BAIAP2: variants seen among roughly 807,000 people sequenced by gnomAD.
BAIAP2 encodes the protein BAR/IMD domain-containing adapter protein 2.
Under a neutral mutation model 63.0 loss-of-function variants are expected in BAIAP2, and 18 were observed. The observed-to-expected ratio is 0.29, with a 90% CI of 0.20 to 0.42. BAIAP2 has a LOEUF of 0.42. Among genes scored for constraint, BAIAP2 ranks in the 10% least tolerant of loss-of-function variants. The pLI, the probability that BAIAP2 is intolerant of heterozygous loss-of-function variation, is 1.00. For missense variants in BAIAP2, 610 were observed against 734.3 expected, an observed-to-expected ratio of 0.83 and a Z score of 1.96; for synonymous variants, 386 against 307.6, an observed-to-expected ratio of 1.25 and a Z score of -2.67.
chr17:81,037,977 G>A (rs1158604898), intron 1 of BAIAP2, among the ~76,000 whole-genome samples: 1 of 152,284 alleles, frequency 6.6e-6, no homozygotes, highest in Non-Finnish European at 1.5e-5. Context: ...GAATTTCATG[G>A]AAGATGAAGG....
intron 3 of BAIAP2, among the ~76,000 whole-genome samples, chr17:81,070,240 C>T (rs1480358158): frequency 3.9e-5 from 6 of 152,194 alleles, no homozygotes; most frequent in Non-Finnish European, 7.4e-5. Flanking sequence ...ATTACAGGCG[C>T]GAGCCACCGT....
rs58261367 is a variant in BAIAP2 at position 81,060,686 on chromosome 17, T to A, written c.217+2719T>A. Among the ~76,000 whole-genome samples the A allele has an allele frequency of 5.3e-5, 8 of 152,312 alleles. No individual in the cohort carries two copies. The East Asian group carries it at 1.5e-3, about 29-fold the overall frequency. Reference sequence around the variant, plus strand: ...GGTCAGATGGCTGGGAGTTGAGTTTTTATGAAAGCAACACATCCTTGTTTC... The same window carrying A: ...GGTCAGATGGCTGGGAGTTGAGTTTATATGAAAGCAACACATCCTTGTTTC... On this transcript the variant is annotated intron_variant, in intron 3 of 13. Coordinates refer to ENST00000428708, the MANE Select transcript of BAIAP2 (RefSeq NM_001144888.2).
At chr17:81,096,325 A>G (rs575360377) in intron 6 of BAIAP2, among the ~76,000 whole-genome samples, 45 of 152,330 alleles carry the variant, frequency 3.0e-4, no homozygotes, top group Non-Finnish European at 6.0e-4. Context: ...CAGAATCCTC[A>G]TGATGGGGTG....
At chr17:81,088,525 G>GCC (rs1184932526) in intron 6 of BAIAP2, among the ~76,000 whole-genome samples, 1 of 152,214 alleles carries the variant, frequency 6.6e-6, no homozygotes, top group African/African-American at 2.4e-5. Context: ...TGGGCCCCTG[G>GCC]CCCCACCAGT....
At chr17:81,090,502 C>T (rs573276797) in intron 6 of BAIAP2, among the ~76,000 whole-genome samples, 3 of 152,354 alleles carry the variant, frequency 2.0e-5, no homozygotes, top group South Asian at 4.1e-4. Context: ...ATTTCTCCTG[C>T]GTCCCACTTG....
chr17:81,084,405 G>T (rs955646588), intron 3 of BAIAP2, among the ~76,000 whole-genome samples: 1 of 152,180 alleles, frequency 6.6e-6, no homozygotes, highest in African/African-American at 2.4e-5. Context: ...AGGTTTGTGC[G>T]CTGTGGTGTG....
chr17:81,054,912 A>T (rs1197769005), intron 2 of BAIAP2, among the ~76,000 whole-genome samples: 1 of 152,104 alleles, frequency 6.6e-6, no homozygotes, highest in African/African-American at 2.4e-5. Context: ...GAGTCCTGCC[A>T]TGGATGGGGA....
In BAIAP2 at chr17:81,106,810, C is replaced by G. The variant is rs756189976; in HGVS notation, c.1403C>G (p.Pro468Arg). The stretch of plus-strand genomic sequence containing the variant: ...GACAAGGACGACCTGGCCATCCCAC[C>G]CCCCGATTACGGCGCCGCCTCCCGG... The part of the protein sequence containing the change: ...LLDKDDLAIP[P>R]PDYGAASRAF... Residue 468 changes from proline to arginine, a missense_variant, in exon 12 of 14, where the codon CCC becomes CGC. Around this residue, in one of 5 missense-constraint regions of BAIAP2, gnomAD observed 114 missense variants for 98.2 expected, o/e 1.16. Transcript: ENST00000428708. 6.2e-7 allele frequency: 1 copy of G among 1,612,404 alleles called. No individual in the cohort carries two copies. Among genetic ancestry groups the G allele is most frequent in the Non-Finnish European group, 8.5e-7 (1 of 1,179,712 alleles).
intron 6 of BAIAP2, chr17:81,087,461 G>C (rs2055889140): frequency 6.6e-6 from 1 of 152,288 alleles, no homozygotes; most frequent in Admixed American, 6.5e-5. Context: ...CCTCGCCCTG[G>C]GACTGGGAGG....
At chr17:81,086,807 G>C in intron 6 of BAIAP2, 1 of 545,356 alleles carries the variant, frequency 1.8e-6, no homozygotes, top group South Asian at 2.2e-5. Context: ...GCCTCCCAGG[G>C]TCACTGAAAG....
At chr17:81,085,610 A>G (rs1047795666) in intron 4 of BAIAP2, 44 bp from the exon 5 acceptor site, 6 of 1,537,388 alleles carry the variant, frequency 3.9e-6, no homozygotes, top group East Asian at 2.2e-5. Context: ...TTCCGGGTCC[A>G]TGTGTTGGAG....
intron 3 of BAIAP2, among the ~76,000 whole-genome samples, chr17:81,069,984 C>T (rs1442730318): frequency 1.3e-5 from 2 of 152,078 alleles, no homozygotes; most frequent in Non-Finnish European, 2.9e-5. Context: ...TTTTTGGAGA[C>T]AGAGTCTCAC....
intron 3 of BAIAP2, among the ~76,000 whole-genome samples, chr17:81,071,799 CT>C (rs1227855553): frequency 3.3e-5 from 5 of 152,266 alleles, no homozygotes; most frequent in African/African-American, 1.2e-4. Flanking sequence ...GCCATCCGAG[CT>C]CTGTCCAGGA....
intron 13 of BAIAP2, 92 bp from the exon 14 acceptor site, chr17:81,115,678 C>T: frequency 1.4e-6 from 2 of 1,481,202 alleles, no homozygotes; most frequent in Admixed American, 3.5e-5. Context: ...GCATCCAGCA[C>T]TGGGGAATCC....
intron 7 of BAIAP2, among the ~76,000 whole-genome samples, chr17:81,101,588 C>T (rs957412895): frequency 3.3e-5 from 5 of 152,154 alleles, no homozygotes; most frequent in African/African-American, 9.7e-5. Context: ...TATACCTTGA[C>T]ACTTGTTCCC....
chr17:81,052,649 G>A (rs1182764700), intron 1 of BAIAP2, among the ~76,000 whole-genome samples: 1 of 152,234 alleles, frequency 6.6e-6, no homozygotes, highest in Non-Finnish European at 1.5e-5. Context: ...CCGTGGTGGG[G>A]AGTGGCTTCC....
chr17:81,109,053 G>T, intron 13 of BAIAP2: 1 of 1,519,226 alleles, frequency 6.6e-7, no homozygotes. Flanking sequence ...CTTCCCCCTG[G>T]TCTCGTCCGT....
Position 81,116,197 on chromosome 17 carries a change from T to C in BAIAP2, c.*358T>C, listed in dbSNP as rs914012800. The C allele has an allele frequency of 6.2e-6, 10 of 1,608,010 alleles. No homozygotes were observed. The highest frequency in any genetic ancestry group is 3.3e-5 in the South Asian group (3 of 91,048). On this transcript the variant is annotated 3_prime_UTR_variant, in exon 14 of 14. Coordinates refer to ENST00000428708, the MANE Select transcript of BAIAP2 (RefSeq NM_001144888.2). ...GGGAGCCTGGCTGCCCTGCTGCTTC[T>C]CCTGCCTAATAAACAGGCTTCTCCT...
intron 1 of BAIAP2, among the ~76,000 whole-genome samples, chr17:81,035,681 G>A (rs1227084015): frequency 1.3e-5 from 2 of 151,668 alleles, no homozygotes; most frequent in Non-Finnish European, 2.9e-5. Flanking sequence ...CGGACCGGTC[G>A]GGGTCGTAGC....
Sources: gnomAD v4.1 joint callset for allele counts (sites outside exome capture counted in the v4.1 genomes callset) on GRCh38, gnomAD v4.1.1 for gene constraint, gnomAD v4.1.1 regional missense constraint, MANE v1.5 for transcripts, NCBI Gene and HGNC (gene_info 2026-07-23, HGNC 2026-07-21) for gene names.